XKR9: variants seen among roughly 807,000 people sequenced by gnomAD.
The protein encoded by XKR9 is XK-related protein 9.
A neutral mutation model predicts 32.0 loss-of-function variants in XKR9; 32 were observed. The ratio of observed to expected loss-of-function variants is 1.00; its 90% confidence interval spans 0.76 to 1.34. The LOEUF (loss-of-function observed/expected upper bound fraction) is 1.34. Ranked by LOEUF, XKR9 falls within the 40% of genes most tolerant of loss-of-function variation. The pLI is 0.00. For missense variants in XKR9, 546 were observed against 429.7 expected (o/e 1.27, Z -2.39); for synonymous variants, 168 against 143.4 (o/e 1.17, Z -1.22).
chr8:70,755,366 C>G (rs1275300092), intron 2 of XKR9, among the ~76,000 whole-genome samples: 1 of 152,130 alleles, frequency 6.6e-6, no homozygotes, highest in Non-Finnish European at 1.5e-5. Flanking sequence ...CCTCAGGGAT[C>G]TAGAACTAGA....
At chr8:70,971,057 A>C in the XKR9 span, among the ~76,000 whole-genome samples, 60 of 152,352 alleles carry the variant, frequency 3.9e-4, no homozygotes, top group Non-Finnish European at 7.1e-4. Flanking sequence ...ACTGTTTTCC[A>C]TAGTGGTTGT....
chr8:70,925,854 A>G, the XKR9 span, among the ~76,000 whole-genome samples: 5 of 152,194 alleles, frequency 3.3e-5, no homozygotes, highest in Non-Finnish European at 1.5e-5. Context: ...AAAGAAACAA[A>G]TATTTATAAC....
intron 2 of XKR9, among the ~76,000 whole-genome samples, chr8:70,765,241 C>T (rs750738545): frequency 6.6e-6 from 1 of 152,194 alleles, no homozygotes; most frequent in Non-Finnish European, 1.5e-5. Flanking sequence ...TCTCCACATC[C>T]TCTTCAGCAT....
intron 1 of XKR9, among the ~76,000 whole-genome samples, 151 bp downstream of exon 1, chr8:70,669,689 C>T (rs1327351641): frequency 3.1e-5 from 3 of 97,156 alleles, no homozygotes; most frequent in African/African-American, 4.0e-5. Context: ...TTTTTTGAGA[C>T]GAAGTCTCGG....
the XKR9 span, among the ~76,000 whole-genome samples, chr8:70,881,792 G>T: frequency 6.6e-6 from 1 of 152,112 alleles, no homozygotes; most frequent in African/African-American, 2.4e-5. Context: ...TATAAATCAT[G>T]CTACTATAAA....
the XKR9 span, among the ~76,000 whole-genome samples, chr8:70,897,269 T>C: frequency 6.6e-6 from 1 of 152,332 alleles, no homozygotes; most frequent in African/African-American, 2.4e-5. Flanking sequence ...CCACTTTTTC[T>C]TTATCCATTT....
At chr8:70,856,850 G>A in the XKR9 span, among the ~76,000 whole-genome samples, 1 of 152,126 alleles carries the variant, frequency 6.6e-6, no homozygotes, top group African/African-American at 2.4e-5. Flanking sequence ...CATGGAAACT[G>A]GACAACATGC....
the XKR9 span, among the ~76,000 whole-genome samples, chr8:70,951,177 G>A: frequency 1.3e-5 from 2 of 152,190 alleles, no homozygotes; most frequent in African/African-American, 4.8e-5. Flanking sequence ...CACTACCATA[G>A]GACAGCTTCT....
intron 4 of XKR9, among the ~76,000 whole-genome samples, chr8:70,729,752 T>C (rs1458132921): frequency 3.9e-5 from 6 of 152,180 alleles, no homozygotes; most frequent in African/African-American, 7.2e-5. Context: ...ATCAGAATTA[T>C]AGGAGTGTCA....
At chr8:70,875,796 CG>C in the XKR9 span, among the ~76,000 whole-genome samples, 1 of 151,998 alleles carries the variant, frequency 6.6e-6, no homozygotes, top group African/African-American at 2.4e-5. Context: ...TTCCTAAAGA[CG>C]AAAATTCTTT....
the XKR9 span, among the ~76,000 whole-genome samples, chr8:70,853,073 A>T: frequency 6.6e-6 from 1 of 152,194 alleles, no homozygotes; most frequent in Admixed American, 6.6e-5. Flanking sequence ...ATAAAAAAGA[A>T]TGTCATTCTA....
At chr8:70,781,550 CA>C (rs371263868) in intron 2 of XKR9, among the ~76,000 whole-genome samples, 5,046 of 136,990 alleles carry the variant, frequency 0.037, 269 homozygotes, top group African/African-American at 0.12. Context: ...ACCCCATCTC[CA>C]AAAAAAAAAA....
chr8:70,810,831 A>T, the XKR9 span, among the ~76,000 whole-genome samples: 3 of 152,218 alleles, frequency 2.0e-5, no homozygotes, highest in African/African-American at 7.2e-5. Flanking sequence ...ACTTCCACAC[A>T]ATAATAATGG....
the XKR9 span, among the ~76,000 whole-genome samples, chr8:70,996,056 A>G: frequency 6.6e-6 from 1 of 152,192 alleles, no homozygotes; most frequent in Non-Finnish European, 1.5e-5. Context: ...AAAACAAAAT[A>G]CTTTTCTCTC....
chr8:70,900,481 C>T, the XKR9 span, among the ~76,000 whole-genome samples: 2 of 151,846 alleles, frequency 1.3e-5, no homozygotes, highest in African/African-American at 2.4e-5. Context: ...CCCAGCCACT[C>T]GGGAGTCTGA....
At chr8:70,978,679 A>T in the XKR9 span, among the ~76,000 whole-genome samples, 1 of 151,896 alleles carries the variant, frequency 6.6e-6, no homozygotes, top group Non-Finnish European at 1.5e-5. Flanking sequence ...TTTGTCCTTC[A>T]TTTCAACCTT....
At chr8:70,799,847 T>A in the XKR9 span, among the ~76,000 whole-genome samples, 1 of 152,138 alleles carries the variant, frequency 6.6e-6, no homozygotes, top group Non-Finnish European at 1.5e-5. Flanking sequence ...TTTGAATGCC[T>A]TTTATTTCTT....
At chr8:70,915,222 T>C in the XKR9 span, among the ~76,000 whole-genome samples, 1 of 152,074 alleles carries the variant, frequency 6.6e-6, no homozygotes, top group Non-Finnish European at 1.5e-5. Context: ...ATAGTGATGC[T>C]ATACATAGGG....
chr8:70,984,688 CT>C, the XKR9 span, among the ~76,000 whole-genome samples: 1 of 152,174 alleles, frequency 6.6e-6, no homozygotes, highest in Non-Finnish European at 1.5e-5. Flanking sequence ...CATTTGCCCC[CT>C]GACAGAATCA....
Sources: allele counts gnomAD v4.1 joint callset (sites outside exome capture counted in the v4.1 genomes callset), GRCh38; gene constraint gnomAD v4.1.1; transcripts MANE v1.5; gene names NCBI Gene and HGNC (gene_info 2026-07-23, HGNC 2026-07-21).